Variants in PHEX observed in about 807,000 individuals in gnomAD.
PHEX encodes the protein phosphate-regulating neutral endopeptidase PHEX.
In PHEX, 16 loss-of-function variants were observed where a neutral mutation model predicts 68.0. The observed-to-expected ratio is 0.24, with a 90% CI of 0.16 to 0.36. The LOEUF (loss-of-function observed/expected upper bound fraction) is 0.36, where lower values mean the gene tolerates loss of function less well. PHEX is among the 10% of genes least tolerant of loss of function. The pLI is 1.00. For missense variants in PHEX, 480 were observed against 575.5 expected (o/e 0.83, Z 1.70); for synonymous variants, 208 against 205.1 (o/e 1.01, Z -0.12).
At chrX:22,212,858 T>C (rs3213493) in intron 15 of PHEX, 46 bp from the exon 16 acceptor site, 340,471 of 1,025,339 alleles carry the variant, frequency 0.33, 41,906 homozygotes, top group African/African-American at 0.45. Context: ...GTACTCATCA[T>C]TGAATCAATC....
chrX:22,122,518 C>T (rs1440282060), intron 11 of PHEX, among the ~76,000 whole-genome samples: 1 of 111,943 alleles, frequency 8.9e-6, no homozygotes, highest in Non-Finnish European at 1.9e-5. Context: ...CTGCTCTTAC[C>T]AACATGGGCA....
intron 14 of PHEX, among the ~76,000 whole-genome samples, chrX:22,183,537 AT>A (rs1363742386): frequency 1.8e-5 from 2 of 111,613 alleles, no homozygotes; most frequent in African/African-American, 3.3e-5. Flanking sequence ...ATCCTGTTTC[AT>A]TCCCAGTCTA....
At chrX:22,135,954 G>A (rs1408051545) in intron 12 of PHEX, among the ~76,000 whole-genome samples, 5 of 111,237 alleles carry the variant, frequency 4.5e-5, no homozygotes, top group Non-Finnish European at 9.4e-5. Context: ...TTTCTTTAAC[G>A]AAATGCAAGA....
chrX:22,114,106 T>A (rs1217202435), intron 10 of PHEX, among the ~76,000 whole-genome samples: 1 of 108,423 alleles, frequency 9.2e-6, no homozygotes, highest in African/African-American at 3.4e-5. Flanking sequence ...TGCACCACCG[T>A]GCCCGGCTAA....
At chrX:22,111,949 T>G (rs1930991027) in intron 10 of PHEX, among the ~76,000 whole-genome samples, 1 of 112,190 alleles carries the variant, frequency 8.9e-6, no homozygotes. Flanking sequence ...CTCAGTATTC[T>G]GAATATTTAA....
intron 20 of PHEX, among the ~76,000 whole-genome samples, chrX:22,238,390 C>A (rs895387670): frequency 4.5e-5 from 5 of 111,570 alleles, no homozygotes; most frequent in African/African-American, 1.6e-4. Flanking sequence ...CCAGGAGGAA[C>A]AGTGCACTCC....
chrX:22,244,418 G>A (rs1180633120), intron 20 of PHEX, among the ~76,000 whole-genome samples: 1 of 92,396 alleles, frequency 1.1e-5, no homozygotes, highest in Non-Finnish European at 2.1e-5. Context: ...ATGTACCCCA[G>A]AATTTAAAGT....
intron 14 of PHEX, 30 bp downstream of exon 14, chrX:22,178,406 A>G: frequency 1.1e-6 from 1 of 871,133 alleles, no homozygotes; most frequent in Non-Finnish European, 1.7e-6. Flanking sequence ...AGTTAAATAG[A>G]TAAATACATT....
At chrX:22,133,384 G>A (rs748483184) in intron 11 of PHEX, 139 bp from the exon 12 acceptor site, 1 of 505,657 alleles carries the variant, frequency 2.0e-6, no homozygotes, top group Admixed American at 3.0e-5. Flanking sequence ...TGTTGCCAGA[G>A]CATGGAGTCA....
At chrX:22,240,870 T>A (rs1051237658) in intron 20 of PHEX, among the ~76,000 whole-genome samples, 1 of 110,974 alleles carries the variant, frequency 9.0e-6, no homozygotes. Flanking sequence ...TGAGACAAAA[T>A]TAATTAACAA....
At chrX:22,192,368 C>T (rs1331632550) in intron 15 of PHEX, among the ~76,000 whole-genome samples, 1 of 111,778 alleles carries the variant, frequency 8.9e-6, no homozygotes, top group Non-Finnish European at 1.9e-5. Flanking sequence ...TTCTTACCCC[C>T]CTTCAGTCTA....
At chrX:22,079,096 C>T (rs1929278042) in intron 5 of PHEX, among the ~76,000 whole-genome samples, 1 of 111,681 alleles carries the variant, frequency 9.0e-6, no homozygotes, top group Admixed American at 9.5e-5. Context: ...TTTCAAACAC[C>T]TTAAGTTGGT....
At chrX:22,102,676 GA>G (rs1405549405) in intron 9 of PHEX, among the ~76,000 whole-genome samples, 1 of 112,719 alleles carries the variant, frequency 8.9e-6, no homozygotes, top group African/African-American at 3.2e-5. Context: ...GAAGAATAGA[GA>G]AAAGGGGATG....
At chrX:22,137,487 T>C (rs953237390) in intron 12 of PHEX, among the ~76,000 whole-genome samples, 1 of 109,292 alleles carries the variant, frequency 9.1e-6, no homozygotes, top group African/African-American at 3.3e-5. Context: ...GTGGTGAGAG[T>C]TTTCTTGCAG....
intron 7 of PHEX, among the ~76,000 whole-genome samples, chrX:22,096,239 A>T (rs73201130): frequency 0.011 from 1,197 of 112,528 alleles, 11 homozygotes; most frequent in Admixed American, 0.018. Flanking sequence ...GATTAAGATG[A>T]TCCTTGAGGA....
At position 22,126,426 on chromosome X, in the gene PHEX, T is replaced by C. The variant is rs141442971; in HGVS notation, c.1303-7097T>C. 3.4e-3 allele frequency among the ~76,000 whole-genome samples: 379 copies of C among 111,721 alleles called. 3 individuals carry two copies. Among genetic ancestry groups the C allele is most frequent in the African/African-American group, 0.012 (360 of 30,706 alleles). On this transcript the variant is annotated intron_variant, in intron 11 of 21. Coordinates refer to ENST00000379374, the MANE Select transcript of PHEX (RefSeq NM_000444.6). ...TTCTTTATTATCAGGGACAAAGCTT[T>C]GAAGAAAACTACAACCGATCATGGG...
chrX:22,059,297 A>G, intron 3 of PHEX, among the ~76,000 whole-genome samples: 1 of 112,251 alleles, frequency 8.9e-6, no homozygotes, highest in South Asian at 3.7e-4. Flanking sequence ...AAACCCTGGT[A>G]CTATTAGCAG....
In PHEX at chrX:22,226,608, G is replaced by GTTAGT. The variant is rs1258102737; in HGVS notation, c.1965+102_1965+106dup. On this transcript the variant is annotated intron_variant, in intron 19 of 21. Transcript: ENST00000379374. ...CCATAGCCATGTTCTTGAGGAGTTA[G>GTTAGT]TTAGTTAGATATTATGGAATTTCTG... The GTTAGT allele has an allele frequency of 3.9e-5, 25 of 644,325 alleles. No homozygotes were observed. The African/African-American group carries it at 4.8e-4, about 12-fold the overall frequency. The allele number at this position is 644,325 out of a possible 1,213,427, so 53.1% of individuals were successfully genotyped here.
intron 11 of PHEX, among the ~76,000 whole-genome samples, chrX:22,117,231 TC>T (rs1336347177): frequency 8.9e-6 from 1 of 112,207 alleles, no homozygotes; most frequent in Non-Finnish European, 1.9e-5. Flanking sequence ...CCAGGCTTTC[TC>T]CCTGTAACCA....
Sources: allele counts gnomAD v4.1 joint callset (sites outside exome capture counted in the v4.1 genomes callset), GRCh38; gene constraint gnomAD v4.1.1; transcripts MANE v1.5; gene names NCBI Gene and HGNC (gene_info 2026-07-23, HGNC 2026-07-21).